Variants in UBE3D observed in about 807,000 individuals in gnomAD.
UBE3D encodes ubiquitin protein ligase E3D.
A neutral mutation model predicts 49.6 loss-of-function variants in UBE3D; 48 were observed. That is an observed-to-expected ratio of 0.97 (90% CI 0.77 to 1.23). The LOEUF is 1.23. Among genes scored for constraint, UBE3D ranks in the 50% most tolerant of loss-of-function variants. UBE3D has a pLI of 0.00. For missense variants in UBE3D, 452 were observed against 468.4 expected (o/e 0.96, Z 0.32); for synonymous variants, 189 against 174.2 (o/e 1.08, Z -0.67).
chr6:82,913,481 AC>A (rs1772679221), intron 9 of UBE3D, among the ~76,000 whole-genome samples: 1 of 152,174 alleles, frequency 6.6e-6, no homozygotes, highest in African/African-American at 2.4e-5. Flanking sequence ...TTGTGCTCCT[AC>A]TTCATTTACC....
intron 8 of UBE3D, among the ~76,000 whole-genome samples, chr6:82,999,378 C>A (rs1313463495): frequency 6.6e-6 from 1 of 152,040 alleles, no homozygotes; most frequent in South Asian, 2.1e-4. Flanking sequence ...CTCAACAGGA[C>A]CTTCCCTGTT....
chr6:82,960,169 T>A (rs2770676), intron 8 of UBE3D, among the ~76,000 whole-genome samples: 1 of 151,956 alleles, frequency 6.6e-6, no homozygotes, highest in Non-Finnish European at 1.5e-5. Flanking sequence ...TGGGATGGCA[T>A]GTCCTTCACT....
At chr6:82,937,444 T>A (rs1348168340) in intron 9 of UBE3D, among the ~76,000 whole-genome samples, 1 of 152,184 alleles carries the variant, frequency 6.6e-6, no homozygotes, top group Non-Finnish European at 1.5e-5. Flanking sequence ...CCACTTTGTT[T>A]CTAAAAGCAG....
chr6:82,987,354 T>C (rs1778592956), intron 8 of UBE3D, among the ~76,000 whole-genome samples: 2 of 152,098 alleles, frequency 1.3e-5, no homozygotes, highest in Non-Finnish European at 2.9e-5. Context: ...TTTGTAGTAG[T>C]TTTCTCATGG....
chr6:83,011,360 A>G (rs1440939386), intron 8 of UBE3D, among the ~76,000 whole-genome samples: 1 of 152,170 alleles, frequency 6.6e-6, no homozygotes, highest in Non-Finnish European at 1.5e-5. Flanking sequence ...CCCAGCCTGT[A>G]TTCCCTTTGC....
chr6:83,014,336 C>T (rs1780545363), intron 8 of UBE3D, among the ~76,000 whole-genome samples: 1 of 152,194 alleles, frequency 6.6e-6, no homozygotes, highest in Admixed American at 6.5e-5. Flanking sequence ...TACTATTTTT[C>T]TAGGTAGAGT....
intron 5 of UBE3D, among the ~76,000 whole-genome samples, chr6:83,035,814 T>C (rs1782205780): frequency 6.6e-6 from 1 of 152,158 alleles, no homozygotes; most frequent in Non-Finnish European, 1.5e-5. Context: ...CATTCTGTTG[T>C]CTCTATTCTC....
At chr6:83,004,937 C>T (rs1284289893) in intron 8 of UBE3D, among the ~76,000 whole-genome samples, 1 of 152,108 alleles carries the variant, frequency 6.6e-6, no homozygotes, top group African/African-American at 2.4e-5. Flanking sequence ...GCAATGATAT[C>T]TTGGAAATGA....
intron 9 of UBE3D, among the ~76,000 whole-genome samples, chr6:82,933,863 C>T (rs1248571904): frequency 1.3e-5 from 2 of 152,154 alleles, no homozygotes; most frequent in Non-Finnish European, 2.9e-5. Context: ...ACCAGAAGCA[C>T]ACAGTGTGGA....
At chr6:82,921,580 T>A (rs369107344) in intron 9 of UBE3D, among the ~76,000 whole-genome samples, 1 of 152,134 alleles carries the variant, frequency 6.6e-6, no homozygotes, top group African/African-American at 2.4e-5. Context: ...AGATGGTGAA[T>A]GAAGCAACTT....
chr6:83,041,129 T>C (rs1782643292), intron 4 of UBE3D, among the ~76,000 whole-genome samples: 1 of 152,236 alleles, frequency 6.6e-6, no homozygotes, highest in African/African-American at 2.4e-5. Context: ...TAAAAACTAA[T>C]ATTGGTATTG....
intron 1 of UBE3D, among the ~76,000 whole-genome samples, chr6:83,060,289 T>C (rs995912552): frequency 6.6e-6 from 1 of 151,888 alleles, no homozygotes; most frequent in Non-Finnish European, 1.5e-5. Flanking sequence ...ACTGACAAAA[T>C]AAATAAATGC....
chr6:83,050,907 T>C (rs544228198), intron 3 of UBE3D, among the ~76,000 whole-genome samples: 1 of 148,970 alleles, frequency 6.7e-6, no homozygotes, highest in East Asian at 2.0e-4. Flanking sequence ...TAAGCCTTGC[T>C]TAAATGAGGC....
intron 8 of UBE3D, among the ~76,000 whole-genome samples, chr6:83,001,488 C>T (rs1779632575): frequency 6.6e-6 from 1 of 152,164 alleles, no homozygotes; most frequent in Non-Finnish European, 1.5e-5. Context: ...AATGCCTTAT[C>T]CCTTTATATA....
chr6:83,027,529 A>G (rs1340197369), intron 5 of UBE3D, among the ~76,000 whole-genome samples: 2 of 150,920 alleles, frequency 1.3e-5, no homozygotes, highest in Non-Finnish European at 2.9e-5. Flanking sequence ...TATTTATCTT[A>G]GCCTTAATTC....
At chr6:83,043,329 ATATT>A (rs1262129774) in intron 4 of UBE3D, among the ~76,000 whole-genome samples, 1 of 151,928 alleles carries the variant, frequency 6.6e-6, no homozygotes, top group Non-Finnish European at 1.5e-5. Flanking sequence ...GTATTAGTAT[ATATT>A]TAGATTAAAA....
intron 8 of UBE3D, among the ~76,000 whole-genome samples, chr6:83,016,057 C>T (rs1473481352): frequency 5.3e-5 from 8 of 152,198 alleles, no homozygotes; most frequent in Admixed American, 5.2e-4. Flanking sequence ...GCTGTGCATA[C>T]ACTTTTCATT....
intron 8 of UBE3D, among the ~76,000 whole-genome samples, chr6:82,988,389 G>C (rs1289807700): frequency 6.6e-6 from 1 of 151,976 alleles, no homozygotes; most frequent in African/African-American, 2.4e-5. Context: ...ATTAAATTAT[G>C]AATTCGGTTA....
intron 5 of UBE3D, among the ~76,000 whole-genome samples, chr6:83,024,403 GGTTT>G (rs1781307307): frequency 6.6e-6 from 1 of 152,116 alleles, no homozygotes; most frequent in Non-Finnish European, 1.5e-5. Context: ...AAAGACTTCT[GGTTT>G]GTTTTTGGTT....
Sources: gnomAD v4.1 joint callset for allele counts (sites outside exome capture counted in the v4.1 genomes callset) on GRCh38, gnomAD v4.1.1 for gene constraint, MANE v1.5 for transcripts, NCBI Gene and HGNC (gene_info 2026-07-23, HGNC 2026-07-21) for gene names.